PRKCE: variants seen among roughly 807,000 people sequenced by gnomAD.
The protein encoded by PRKCE is protein kinase C epsilon type.
PRKCE carries 16 observed loss-of-function variants against 85.4 expected under a neutral mutation model. The observed-to-expected ratio is 0.19, with a 90% CI of 0.13 to 0.28. The LOEUF (loss-of-function observed/expected upper bound fraction) is 0.28. PRKCE is among the 10% of genes least tolerant of loss of function. The pLI is 1.00. For synonymous variants in PRKCE, 388 were observed against 371.5 expected (o/e 1.04, Z -0.51); for missense variants, 573 against 975.2 (o/e 0.59, Z 5.49).
Position 45,734,761 on chromosome 2 carries a change from C to T in PRKCE, c.348+82313C>T, listed in dbSNP as rs1681904124. Among the ~76,000 whole-genome samples, 3 of 152,152 alleles carry T rather than the reference C, an allele frequency of 2.0e-5. No individual in the cohort carries two copies. In the South Asian group the frequency reaches 6.2e-4, roughly 32 times the overall value. ...CCCCAACTGCTGGGAGTGTGGGCTG[C>T]TGACAGCTTGCAGCTGCGCCCCTCC... On this transcript the variant is annotated intron_variant, in intron 1 of 14. Coordinates refer to ENST00000306156, the MANE Select transcript of PRKCE (RefSeq NM_005400.3).
chr2:46,122,881 G>GTTTT (rs1244942634), intron 11 of PRKCE, among the ~76,000 whole-genome samples: 15 of 117,150 alleles, frequency 1.3e-4, no homozygotes, highest in African/African-American at 2.7e-4. Flanking sequence ...AACAGTCTGG[G>GTTTT]TTTTTTTTTT....
intron 1 of PRKCE, among the ~76,000 whole-genome samples, chr2:45,762,644 C>G (rs1310129425): frequency 2.0e-5 from 3 of 152,192 alleles, no homozygotes; most frequent in African/African-American, 4.8e-5. Flanking sequence ...TCTTCCCAGA[C>G]CAGCACATCT....
At chr2:45,933,427 C>A (rs530386224) in intron 2 of PRKCE, among the ~76,000 whole-genome samples, 1 of 145,546 alleles carries the variant, frequency 6.9e-6, no homozygotes, top group East Asian at 2.0e-4. Flanking sequence ...ATGACTTCTT[C>A]CAAAAGTTTT....
rs763000434 is a variant in PRKCE at position 46,145,184 on chromosome 2, G to A, written c.1684G>A (p.Val562Met). ...GTGCAAGGAAGGGATTCTGAATGGTGTGACGACCACCACGTTCTGTGGGAC... is the reference window on the plus strand; with the variant it reads ...GTGCAAGGAAGGGATTCTGAATGGTATGACGACCACCACGTTCTGTGGGAC... ...GMCKEGILNG[V>M]TTTTFCGTPD... Residue 562 changes from valine (V) to methionine (M), a missense_variant, in exon 12 of 15, where the codon GTG becomes ATG. Physicochemically the swap from Val to Met is conservative, Grantham distance 21 (BLOSUM62 1). Transcript: ENST00000306156. This position sits in a 1 kb window ranked among gnomAD's most constrained non-coding sequence, Gnocchi z 4.6. The A allele has an allele frequency of 6.3e-7, 1 of 1,599,748 alleles. No homozygotes were observed. Among genetic ancestry groups the A allele is most frequent in the Non-Finnish European group, 8.5e-7 (1 of 1,179,964 alleles).
At position 46,159,460 on chromosome 2, in the gene PRKCE, C is replaced by T. The variant is rs1021147766; in HGVS notation, c.1921-146C>T. On this transcript the variant is annotated intron_variant, in intron 13 of 14. Coordinates refer to ENST00000306156, the MANE Select transcript of PRKCE (RefSeq NM_005400.3). The surrounding 1 kb of genome is among the most constrained non-coding windows in gnomAD (Gnocchi z 4.1). The stretch of plus-strand genomic sequence containing the variant: ...ATTCTATGTAAGAGTTAAAGAAAAC[C>T]CAACAGATGTGGCCCTTGAAAGTGC... 3 of 754,406 alleles carry T rather than the reference C, an allele frequency of 4.0e-6. No homozygotes were observed. Among genetic ancestry groups the T allele is most frequent in the Admixed American group, 3.2e-5 (1 of 30,886 alleles). The allele number at this position is 754,406 out of a possible 1,614,324, so 46.7% of individuals were successfully genotyped here. A position where few individuals can be genotyped will look rare whatever the true frequency, so the allele number is the denominator to read the frequency against.
At chr2:45,738,924 A>G (rs1345839682) in intron 1 of PRKCE, among the ~76,000 whole-genome samples, 1 of 152,242 alleles carries the variant, frequency 6.6e-6, no homozygotes, top group Admixed American at 6.5e-5. Flanking sequence ...TAGGTAGTTC[A>G]TGCATTATTT....
intron 1 of PRKCE, among the ~76,000 whole-genome samples, chr2:45,747,389 G>A (rs1683226317): frequency 6.6e-6 from 1 of 152,152 alleles, no homozygotes; most frequent in Admixed American, 6.5e-5. Context: ...TCCCCTGGAA[G>A]CCACTCTTCT....
intron 14 of PRKCE, among the ~76,000 whole-genome samples, chr2:46,169,693 C>G (rs370294713): frequency 2.8e-4 from 43 of 152,328 alleles, no homozygotes; most frequent in African/African-American, 8.4e-4. Context: ...CTCCGTCCCC[C>G]CTAGCGCAGC....
At chr2:46,010,904 G>T (rs1329233194) in intron 10 of PRKCE, 3 of 1,473,084 alleles carry the variant, frequency 2.0e-6, no homozygotes, top group Non-Finnish European at 1.8e-6. Flanking sequence ...AAGAGTAAAG[G>T]CCACCTTAAT....
chr2:46,105,178 A>C (rs914529233), intron 11 of PRKCE, among the ~76,000 whole-genome samples: 1 of 152,056 alleles, frequency 6.6e-6, no homozygotes, highest in Non-Finnish European at 1.5e-5. Flanking sequence ...ACATTTTTTT[A>C]AGACAAATTT....
At chr2:45,879,342 A>T (rs1346893833) in intron 2 of PRKCE, among the ~76,000 whole-genome samples, 1 of 152,128 alleles carries the variant, frequency 6.6e-6, no homozygotes, top group Admixed American at 6.5e-5. Context: ...AGCCACTTCC[A>T]TTGGCAGTAA....
At chr2:45,763,215 A>C (rs952617626) in intron 1 of PRKCE, among the ~76,000 whole-genome samples, 1 of 151,968 alleles carries the variant, frequency 6.6e-6, no homozygotes, top group Non-Finnish European at 1.5e-5. Flanking sequence ...CGGCCTCCCA[A>C]AGTTCTGGGA....
At chr2:45,942,226 G>A (rs996879080) in intron 2 of PRKCE, among the ~76,000 whole-genome samples, 2 of 152,114 alleles carry the variant, frequency 1.3e-5, no homozygotes, top group Admixed American at 6.5e-5. Flanking sequence ...AGGCTGAATC[G>A]TTGTGCTAGT....
At chr2:45,972,456 A>C (rs545269269) in intron 2 of PRKCE, among the ~76,000 whole-genome samples, 1 of 152,170 alleles carries the variant, frequency 6.6e-6, no homozygotes, top group Non-Finnish European at 1.5e-5. Context: ...GCTGTGCAGA[A>C]GCTTTTTAGT....
intron 1 of PRKCE, among the ~76,000 whole-genome samples, chr2:45,828,261 GT>G (rs1690114479): frequency 6.6e-6 from 1 of 152,218 alleles, no homozygotes; most frequent in African/African-American, 2.4e-5. Context: ...TTAAAAATCT[GT>G]TGAAAACTCT....
intron 2 of PRKCE, among the ~76,000 whole-genome samples, chr2:45,896,894 G>T (rs1399663740): frequency 6.6e-6 from 1 of 152,060 alleles, no homozygotes; most frequent in Non-Finnish European, 1.5e-5. Flanking sequence ...GGCCAGCCTG[G>T]GGAACATAGC....
chr2:45,956,540 C>T (rs1355712548), intron 2 of PRKCE, among the ~76,000 whole-genome samples: 3 of 151,758 alleles, frequency 2.0e-5, no homozygotes, highest in Non-Finnish European at 4.4e-5. Context: ...AAAAAATTAG[C>T]CAGGTGTGGT....
chr2:45,837,531 A>G (rs190842266), intron 1 of PRKCE, among the ~76,000 whole-genome samples: 140 of 152,336 alleles, frequency 9.2e-4, no homozygotes, highest in Middle Eastern at 3.4e-3. Flanking sequence ...TGCTGGGATT[A>G]TAGGCATGAG....
intron 1 of PRKCE, among the ~76,000 whole-genome samples, chr2:45,744,370 A>T (rs958539363): frequency 6.6e-6 from 1 of 152,076 alleles, no homozygotes; most frequent in South Asian, 2.1e-4. Context: ...CACATAAAGT[A>T]ACTTTAAAAA....
Sources: allele counts gnomAD v4.1 joint callset (sites outside exome capture counted in the v4.1 genomes callset), GRCh38; gene constraint gnomAD v4.1.1; non-coding constraint Gnocchi (gnomAD v3.1); transcripts MANE v1.5; gene names NCBI Gene and HGNC (gene_info 2026-07-23, HGNC 2026-07-21).